SPTBN4: variants seen among roughly 807,000 people sequenced by gnomAD.
SPTBN4 encodes spectrin beta, non-erythrocytic 4, also known as spectrin beta chain, non-erythrocytic 4.
A neutral mutation model predicts 277.8 loss-of-function variants in SPTBN4; 96 were observed. That is an observed-to-expected ratio of 0.35 (90% CI 0.29 to 0.41). The LOEUF (loss-of-function observed/expected upper bound fraction) is 0.41. Ranked by LOEUF, SPTBN4 falls within the 10% of genes least tolerant of loss-of-function variation. The pLI, the probability that SPTBN4 is intolerant of heterozygous loss-of-function variation, is 1.00. For missense variants in SPTBN4, 3,006 were observed against 3,595.7 expected, an observed-to-expected ratio of 0.84 and a Z score of 4.19; for synonymous variants, 1,481 against 1,580.3, an observed-to-expected ratio of 0.94 and a Z score of 1.49.
chr19:40,565,278 A>G, intron 27 of SPTBN4, 145 bp from the exon 28 acceptor site: 1 of 1,110,472 alleles, frequency 9.0e-7, no homozygotes, highest in East Asian at 2.4e-5. Context: ...AAAAAAAAGA[A>G]AAGAAAAGAA....
chr19:40,512,840 C>T lies in SPTBN4; in HGVS notation c.2051C>T (p.Thr684Ile). ...GAAGAAGAAG[T>I]AGGAHDLSST... ...GCGGGCGCAGCGGGCGCAGCGGGAA[C>T]AGCGGGCGGCGCGCATGACCTGTCC... Residue 684 changes from threonine (T) to isoleucine (I), a missense_variant, in exon 14 of 36, where the codon ACA (threonine) becomes ATA (isoleucine). Physicochemically the swap from Thr to Ile is moderately conservative, Grantham distance 89. This residue lies in a region of SPTBN4 where 1,759 missense variants were observed against 2,061.5 expected (regional missense o/e 0.85). Coordinates refer to ENST00000598249, the MANE Select transcript of SPTBN4 (RefSeq NM_020971.3). The T allele has an allele frequency of 6.9e-7, 1 of 1,456,844 alleles. No individual in the cohort carries two copies. The highest frequency in any genetic ancestry group is 8.9e-7 in the Non-Finnish European group (1 of 1,117,496). 90.2% of individuals were successfully genotyped at this position (1,456,844 alleles called of 1,614,324 possible). A position where few individuals can be genotyped will look rare whatever the true frequency, so the allele number is the denominator to read the frequency against.
At chr19:40,471,018 C>T (rs1164867659) in intron 1 of SPTBN4, among the ~76,000 whole-genome samples, 5 of 151,330 alleles carry the variant, frequency 3.3e-5, no homozygotes, top group South Asian at 2.1e-4. Flanking sequence ...GGCATGATCT[C>T]GGCTCACTGC....
At position 40,575,470 on chromosome 19, in the gene SPTBN4, CGCCCGCTGGG is replaced by C. The variant is rs774799847; in HGVS notation, c.7600_7609del (p.Trp2535HisfsTer67). The C allele has an allele frequency of 1.4e-5, 23 of 1,613,206 alleles. No homozygotes were observed. Among genetic ancestry groups the C allele is most frequent in the Non-Finnish European group, 1.9e-5 (22 of 1,179,838 alleles). On this transcript the variant is annotated frameshift_variant, in exon 36 of 36. Transcript: ENST00000598249. LOFTEE classifies it high-confidence loss of function. ...CCTCGGTGGCGGAACACGCAGAGAT[CGCCCGCTGGG>C]GCCAGACACTACCCACTACTTCATC...
chr19:40,566,697 G>C (rs1260648673), intron 30 of SPTBN4, among the ~76,000 whole-genome samples: 1 of 152,180 alleles, frequency 6.6e-6, no homozygotes, highest in African/African-American at 2.4e-5. Context: ...AGGTGTGACG[G>C]CTCATGCCTG....
At chr19:40,505,553 C>T (rs1259765160) in intron 12 of SPTBN4, among the ~76,000 whole-genome samples, 3 of 151,726 alleles carry the variant, frequency 2.0e-5, no homozygotes, top group South Asian at 2.1e-4. Context: ...ATTAGCCGGG[C>T]GAAGTACATC....
chr19:40,490,702 A>G lies in SPTBN4; in HGVS notation c.495+454A>G, dbSNP rs2080127108. Among the ~76,000 whole-genome samples the G allele has an allele frequency of 6.6e-6, 1 of 152,194 alleles. No individual in the cohort carries two copies. The highest frequency in any genetic ancestry group is 2.1e-4 in the South Asian group (1 of 4,824). On this transcript the variant is annotated intron_variant, in intron 4 of 35. Coordinates refer to ENST00000598249, the MANE Select transcript of SPTBN4 (RefSeq NM_020971.3). This position sits in a 1 kb window ranked among gnomAD's most constrained non-coding sequence, Gnocchi z 4.3. ...GGTGAGGAAGACAGATAATAAATACATAAATATGTAAAGAAGACATGTATG... is the reference window on the plus strand; with the variant it reads ...GGTGAGGAAGACAGATAATAAATACGTAAATATGTAAAGAAGACATGTATG...
At chr19:40,506,131 C>T (rs1419034954) in intron 12 of SPTBN4, 105 bp from the exon 13 acceptor site, 18 of 1,426,698 alleles carry the variant, frequency 1.3e-5, no homozygotes, top group South Asian at 2.9e-5. Flanking sequence ...GGGTCAGAGT[C>T]GGGAGTGATG....
In SPTBN4 at chr19:40,495,609, C is replaced by T. The variant is rs985093536; in HGVS notation, c.668+632C>T. ...GTTGCAATGAGCCGAGATTGTGCCA[C>T]TGCACTCCAGCCTGGGCAACAGAGT... On this transcript the variant is annotated intron_variant, in intron 6 of 35. Transcript: ENST00000598249. Among the ~76,000 whole-genome samples, 28 of 152,066 alleles carry T rather than the reference C, an allele frequency of 1.8e-4. 1 individual carries two copies. Among genetic ancestry groups the T allele is most frequent in the South Asian group, 2.1e-4 (1 of 4,820 alleles).
chr19:40,494,971 G>A lies in SPTBN4; in HGVS notation c.662G>A (p.Arg221Gln), dbSNP rs1049492195. 8.1e-6 allele frequency: 13 copies of A among 1,613,904 alleles called. No homozygotes were observed. The highest frequency in any genetic ancestry group is 3.3e-5 in the Admixed American group (2 of 59,986). The change falls in exon 6 of 36, where the codon CGG (arginine) becomes CAG (glutamine). Residue 221 changes from arginine (R) to glutamine (Q), a missense_variant. By Grantham distance (43) the Arg-to-Gln change is conservative. Around this residue, in one of 5 missense-constraint regions of SPTBN4, gnomAD observed 1,759 missense variants for 2,061.5 expected, o/e 0.85. Transcript: ENST00000598249. Reference protein sequence around the residue: ...DGLAFNALIHRHRPDLVDFSK... With the variant: ...DGLAFNALIHQHRPDLVDFSK... ...TTGGCCTTCAATGCCCTCATTCACCGGCACAGGTACCACCTGGCCTGGGAC... is the reference window on the plus strand; with the variant it reads ...TTGGCCTTCAATGCCCTCATTCACCAGCACAGGTACCACCTGGCCTGGGAC...
intron 1 of SPTBN4, among the ~76,000 whole-genome samples, 196 bp downstream of exon 1, chr19:40,467,501 A>G (rs897749898): frequency 1.3e-5 from 2 of 151,890 alleles, no homozygotes; most frequent in African/African-American, 4.8e-5. Flanking sequence ...TCTTACCCCC[A>G]GGCCTTGTCC....
At chr19:40,549,438 G>T (rs1199354122) in intron 21 of SPTBN4, 25 bp downstream of exon 21, 4 of 1,226,402 alleles carry the variant, frequency 3.3e-6, no homozygotes, top group Non-Finnish European at 3.2e-6. Context: ...GGGGCCTGGG[G>T]CGGGGCGGGG....
At position 40,513,173 on chromosome 19, in the gene SPTBN4, TG is replaced by T; in HGVS notation, c.2386del (p.Ala796GlnfsTer34). On this transcript the variant is annotated frameshift_variant, in exon 14 of 36. Coordinates refer to ENST00000598249, the MANE Select transcript of SPTBN4 (RefSeq NM_020971.3). LOFTEE classifies it high-confidence loss of function. ...GACTGGCTTCGCGACGCTTACCGCC[TG>T]GCAGCCGCCGGTGACTTCGGCCACG... ...LLDWLRDAYRLAAAGDFGHDE... is the reference protein window; with the variant it reads ...LLDWLRDAYRXAAAGDFGHDE... 1 of 1,501,758 alleles carries T rather than the reference TG, an allele frequency of 6.7e-7. No individual in the cohort carries two copies. Among genetic ancestry groups the T allele is most frequent in the Non-Finnish European group, 8.8e-7 (1 of 1,133,882 alleles). The allele number at this position is 1,501,758 out of a possible 1,614,324, so 93.0% of individuals were successfully genotyped here.
chr19:40,567,616 G>A, intron 30 of SPTBN4, 47 bp from the exon 31 acceptor site: 6 of 551,336 alleles, frequency 1.1e-5, no homozygotes, highest in South Asian at 5.1e-5. Flanking sequence ...CCCTTACCCC[G>A]CCCCGGCCCC....
intron 7 of SPTBN4, among the ~76,000 whole-genome samples, chr19:40,500,360 T>C (rs112972549): frequency 6.6e-5 from 10 of 152,228 alleles, no homozygotes; most frequent in African/African-American, 2.4e-4. Context: ...GGTTATTTTC[T>C]AAGGACATGC....
intron 12 of SPTBN4, among the ~76,000 whole-genome samples, chr19:40,505,903 G>C (rs1453912967): frequency 6.6e-6 from 1 of 152,188 alleles, no homozygotes; most frequent in Non-Finnish European, 1.5e-5. Context: ...GTGAGCCACT[G>C]TGACAGAGAC....
intron 2 of SPTBN4, among the ~76,000 whole-genome samples, chr19:40,480,320 T>C (rs1384782485): frequency 6.6e-6 from 1 of 151,254 alleles, no homozygotes; most frequent in Non-Finnish European, 1.5e-5. Context: ...CTCAAAAGAC[T>C]GAGGTGGGAA....
chr19:40,528,604 GCTCC>G (rs1398420918), intron 17 of SPTBN4, among the ~76,000 whole-genome samples: 1 of 152,070 alleles, frequency 6.6e-6, no homozygotes, highest in Non-Finnish European at 1.5e-5. Context: ...GTCGTCTGCT[GCTCC>G]CTGAGTTTCT....
At position 40,534,627 on chromosome 19, in the gene SPTBN4, A is replaced by C; in HGVS notation, c.4359+284A>C. On this transcript the variant is annotated intron_variant, in intron 20 of 35. Transcript: ENST00000598249. Reference sequence around the variant, plus strand: ...GCTAAAGGTTTCACAGGACCCTGACACTCATTTCCTGGATGGAGAAACCAA... The same window carrying C: ...GCTAAAGGTTTCACAGGACCCTGACCCTCATTTCCTGGATGGAGAAACCAA... 2 of 417,556 alleles carry C rather than the reference A, an allele frequency of 4.8e-6. 1 individual carries two copies. Among genetic ancestry groups the C allele is most frequent in the South Asian group, 6.0e-5 (2 of 33,164 alleles). 25.9% of individuals were successfully genotyped at this position (417,556 alleles called of 1,614,324 possible).
At chr19:40,543,575 G>T (rs746639336) in intron 20 of SPTBN4, among the ~76,000 whole-genome samples, 54 of 152,086 alleles carry the variant, frequency 3.6e-4, no homozygotes, top group Non-Finnish European at 6.6e-4. Context: ...TGAGTTTGGG[G>T]TTTTGTTTTG....
Sources: allele counts gnomAD v4.1 joint callset (sites outside exome capture counted in the v4.1 genomes callset), GRCh38; gene constraint gnomAD v4.1.1; regional missense constraint gnomAD v4.1.1; non-coding constraint Gnocchi (gnomAD v3.1); transcripts MANE v1.5; gene names NCBI Gene and HGNC (gene_info 2026-07-23, HGNC 2026-07-21).